LEPROTL1: variants seen among roughly 807,000 people sequenced by gnomAD.
LEPROTL1 encodes the protein leptin receptor overlapping transcript like 1, also known as leptin receptor overlapping transcript-like 1.
LEPROTL1 carries 6 observed loss-of-function variants against 15.4 expected under a neutral mutation model. The ratio of observed to expected loss-of-function variants is 0.39; its 90% CI spans 0.21 to 0.77. LEPROTL1 has a LOEUF of 0.77. LEPROTL1 is among the 30% of genes least tolerant of loss of function. The probability of loss-of-function intolerance (pLI) is 0.41; values close to 1 mark genes in which losing one functional copy is unlikely to be tolerated. For synonymous variants in LEPROTL1, 56 were observed against 52.6 expected (o/e 1.06, Z -0.28); for missense variants, 128 against 158.1 (o/e 0.81, Z 1.02).
At chr8:30,137,556 T>C (rs1803176338) in exon 5 of LEPROTL1, 2 of 1,253,012 alleles carry the variant, frequency 1.6e-6, no homozygotes, top group South Asian at 1.3e-5. Context: ...GTGGCAGTGA[T>C]GATTAGTCAC....
chr8:30,129,711 TCACACACACACACA>T (rs35105107), intron 3 of LEPROTL1, among the ~76,000 whole-genome samples: 226 of 128,382 alleles, frequency 1.8e-3, no homozygotes, highest in East Asian at 2.9e-3. Context: ...TGAGACCCTG[TCACACACACACACA>T]CACACACACA....
intron 3 of LEPROTL1, among the ~76,000 whole-genome samples, chr8:30,130,890 C>T (rs1802994892): frequency 6.6e-6 from 1 of 151,470 alleles, no homozygotes; most frequent in Non-Finnish European, 1.5e-5. Context: ...AGCGATTCTC[C>T]TGCCTCAGCC....
At position 30,105,831 on chromosome 8, in the gene LEPROTL1, G is replaced by A; in HGVS notation, c.365G>A (p.Ser122Asn). 6.4e-7 allele frequency: 1 copy of A among 1,557,126 alleles called. No individual in the cohort carries two copies. The highest frequency in any genetic ancestry group is 1.4e-5 in the African/African-American group (1 of 71,062). Residue 122 changes from serine to asparagine, a missense_variant, in exon 4 of 4, where the codon AGC (serine) becomes AAC (asparagine). Transcript: ENST00000321250. ...TILGFFLVFG[S>N]NDDFSWQQW ...CTAGGCTTTTTCTTGGTCTTTGGAA[G>A]CAATGACGACTTCAGCTGGCAGCAG...
downstream of LEPROTL1, among the ~76,000 whole-genome samples, chr8:30,109,046 A>G (rs1166346459): frequency 1.0e-5 from 1 of 95,584 alleles, no homozygotes; most frequent in Non-Finnish European, 2.1e-5. Flanking sequence ...CCGCCCCGAA[A>G]AAAAGTGCTG....
At chr8:30,135,908 T>G (rs1003368947) in intron 4 of LEPROTL1, among the ~76,000 whole-genome samples, 1 of 91,234 alleles carries the variant, frequency 1.1e-5, no homozygotes, top group African/African-American at 4.1e-5. Context: ...AGTGAGACCT[T>G]GTCTGAAAAA....
Position 30,105,628 on chromosome 8 carries a change from T to C in LEPROTL1, c.280-118T>C, listed in dbSNP as rs183942469. 415 of 597,404 alleles carry C rather than the reference T, an allele frequency of 6.9e-4. 1 individual carries two copies. The African/African-American group carries it at 7.8e-3, about 11-fold the overall frequency. The allele number at this position is 597,404 out of a possible 1,614,324, so 37.0% of individuals were successfully genotyped here. ...TATGTGTTCAGCACTGTGACAATTA[T>C]TGTTACAAGGCATGCTTCTTTTAGA... On this transcript the variant is annotated intron_variant, in intron 3 of 3. Transcript: ENST00000321250.
chr8:30,117,999 G>A (rs1396362839), intron 3 of LEPROTL1, among the ~76,000 whole-genome samples: 3 of 141,066 alleles, frequency 2.1e-5, no homozygotes, highest in Admixed American at 1.4e-4. Flanking sequence ...AAAAAAATCT[G>A]TATATATATT....
intron 4 of LEPROTL1, among the ~76,000 whole-genome samples, chr8:30,135,742 C>T (rs1322735065): frequency 2.6e-5 from 4 of 151,708 alleles, no homozygotes; most frequent in South Asian, 2.1e-4. Context: ...GGCAAAACCC[C>T]GTTTCTACAA....
At chr8:30,123,317 C>T (rs1295613920) in intron 3 of LEPROTL1, among the ~76,000 whole-genome samples, 4 of 152,100 alleles carry the variant, frequency 2.6e-5, no homozygotes, top group African/African-American at 7.2e-5. Context: ...GGGGAATGAC[C>T]GTAGACCATT....
chr8:30,110,318 A>G (rs1021788205), downstream of LEPROTL1, among the ~76,000 whole-genome samples: 1 of 152,136 alleles, frequency 6.6e-6, no homozygotes, highest in Admixed American at 6.6e-5. Context: ...TAAAACACTT[A>G]TCTTTCAACT....
At chr8:30,095,965 A>C (rs1802357068) in intron 1 of LEPROTL1, 8 of 684,736 alleles carry the variant, frequency 1.2e-5, no homozygotes, top group Non-Finnish European at 2.1e-5. Context: ...TTCCCACCGA[A>C]AGGCACAAGT....
chr8:30,095,436 A>G lies in LEPROTL1; in HGVS notation c.-77A>G, dbSNP rs1802342160. ...CTTCCGGGTGTTGTCTGGCCGCCGT[A>G]GCGCGTCTTGGGTCTCCCGGCTGCC... On this transcript the variant is annotated 5_prime_UTR_variant, in exon 1 of 4. Transcript: ENST00000321250. The G allele has an allele frequency of 2.8e-6, 4 of 1,409,726 alleles. No individual in the cohort carries two copies. Among genetic ancestry groups the G allele is most frequent in the Non-Finnish European group, 3.7e-6 (4 of 1,067,668 alleles). 87.3% of individuals were successfully genotyped at this position (1,409,726 alleles called of 1,614,324 possible). A position where few individuals can be genotyped will look rare whatever the true frequency, so the allele number is the denominator to read the frequency against.
At chr8:30,121,402 G>A (rs1003717997) in intron 3 of LEPROTL1, among the ~76,000 whole-genome samples, 2 of 151,912 alleles carry the variant, frequency 1.3e-5, no homozygotes, top group South Asian at 2.1e-4. Context: ...ACAGGCACCC[G>A]CCACCACGCC....
intron 4 of LEPROTL1, among the ~76,000 whole-genome samples, chr8:30,134,316 G>A (rs939449453): frequency 1.2e-4 from 18 of 151,910 alleles, no homozygotes; most frequent in African/African-American, 2.7e-4. Flanking sequence ...CTAGCTACTC[G>A]GGAGGCTGAG....
intron 2 of LEPROTL1, among the ~76,000 whole-genome samples, chr8:30,102,191 A>G (rs1007759865): frequency 3.9e-5 from 6 of 152,174 alleles, no homozygotes; most frequent in African/African-American, 1.4e-4. Flanking sequence ...CTCTTTCACT[A>G]CTGCTGAGTC....
chr8:30,113,431 CGTGGGAGAATACTACCATAAAA>C (rs1416169385), downstream of LEPROTL1, among the ~76,000 whole-genome samples: 7 of 152,076 alleles, frequency 4.6e-5, no homozygotes. Flanking sequence ...TGCTAGCAAG[CGTGGGAGAATACTACCATAAAA>C]GTTGGGACCC....
rs1802599163 is a variant in LEPROTL1, at chr8:30,108,064, CTA to C, written c.*2204_*2205del. ...ATGAAACAATAAAGATTTTAAATAT[CTA>C]TTTTAGTTTGTGGGTGTTTTTGAAA... On this transcript the variant is annotated 3_prime_UTR_variant, in exon 4 of 4. Coordinates refer to ENST00000321250, the MANE Select transcript of LEPROTL1 (RefSeq NM_015344.3). The C allele has an allele frequency of 1.2e-6, 1 of 858,070 alleles. No homozygotes were observed. The highest frequency in any genetic ancestry group is 1.4e-6 in the Non-Finnish European group (1 of 714,272). 53.2% of individuals were successfully genotyped at this position (858,070 alleles called of 1,614,324 possible).
At chr8:30,105,561 TA>T (rs1320838233) in intron 3 of LEPROTL1, among the ~76,000 whole-genome samples, 184 bp from the exon 4 acceptor site, 4 of 147,930 alleles carry the variant, frequency 2.7e-5, no homozygotes, top group African/African-American at 4.9e-5. Context: ...TTATACTATA[TA>T]TTTTTTTACT....
intron 3 of LEPROTL1, among the ~76,000 whole-genome samples, chr8:30,129,497 G>A (rs1802960022): frequency 6.6e-6 from 1 of 152,072 alleles, no homozygotes; most frequent in Non-Finnish European, 1.5e-5. Flanking sequence ...TTGAGGTCAG[G>A]AGTTCAAGAC....
Sources: allele counts gnomAD v4.1 joint callset (sites outside exome capture counted in the v4.1 genomes callset), GRCh38; gene constraint gnomAD v4.1.1; transcripts MANE v1.5; gene names NCBI Gene and HGNC (gene_info 2026-07-23, HGNC 2026-07-21).